Variants in MRPS7 observed in about 807,000 individuals in gnomAD.
MRPS7 encodes mitochondrial ribosomal protein S7.
Under a neutral mutation model 26.2 loss-of-function variants are expected in MRPS7, and 13 were observed. The ratio of observed to expected loss-of-function variants is 0.50; its 90% CI spans 0.32 to 0.79. MRPS7 has a LOEUF of 0.79. MRPS7 is among the 30% of genes least tolerant of loss of function. The pLI is 0.03. For missense variants in MRPS7, 318 were observed against 312.2 expected (o/e 1.02, Z -0.14); for synonymous variants, 129 against 113.3 (o/e 1.14, Z -0.88).
Position 75,265,868 on chromosome 17 carries a change from A to G in MRPS7, c.674A>G (p.Asp225Gly). 6.2e-7 allele frequency: 1 copy of G among 1,614,120 alleles called. No homozygotes were observed. Among genetic ancestry groups the G allele is most frequent in the Non-Finnish European group, 8.5e-7 (1 of 1,180,036 alleles). Residue 225 changes from aspartate (D) to glycine (G), a missense_variant, in exon 5 of 5, where the codon GAC (aspartate) becomes GGC (glycine). By Grantham distance (94) the Asp-to-Gly change is moderately conservative. Coordinates refer to ENST00000245539, the MANE Select transcript of MRPS7 (RefSeq NM_015971.4). ...GGCCCCGTGATCAAGAGGAAGCATG[A>G]CTTGCACAAGATGGCAGAGGCCAAC... ...NQGPVIKRKH[D>G]LHKMAEANRA...
In MRPS7 at chr17:75,265,966, T is replaced by C. The variant is rs1408159494; in HGVS notation, c.*43T>C. 9 of 1,571,570 alleles carry C rather than the reference T, an allele frequency of 5.7e-6. No individual in the cohort carries two copies. Among genetic ancestry groups the C allele is most frequent in the African/African-American group, 1.4e-5 (1 of 73,910 alleles). ...CAGGGCCCTCTGCCGCAAGAAACAG[T>C]GTGAGCTACTGCCACGCTGAAAACT... On this transcript the variant is annotated 3_prime_UTR_variant, in exon 5 of 5. Transcript: ENST00000245539.
At position 75,263,359 on chromosome 17, in the gene MRPS7, G is replaced by A. The variant is rs761981206; in HGVS notation, c.359G>A (p.Arg120Lys). The A allele has an allele frequency of 8.7e-6, 14 of 1,614,012 alleles. No individual in the cohort carries two copies. The highest frequency in any genetic ancestry group is 4.0e-5 in the African/African-American group (3 of 74,918). Residue 120 changes from arginine (R) to lysine (K), a missense_variant, in exon 4 of 5, where the codon AGG becomes AAG. Arg to Lys is a conservative substitution (Grantham distance 26). Coordinates refer to ENST00000245539, the MANE Select transcript of MRPS7 (RefSeq NM_015971.4). ...LMIQTLEAVKRKQFEKYHAAS... is the reference protein window; with the variant it reads ...LMIQTLEAVKKKQFEKYHAAS... ...TTGCAGACTCTGGAAGCTGTGAAAA[G>A]GAAGCAGTTTGAGAAGTACCATGCC...
intron 3 of MRPS7, chr17:75,263,114 C>G: frequency 1.6e-6 from 1 of 625,248 alleles, no homozygotes; most frequent in Non-Finnish European, 2.7e-6. Context: ...ACTGCCATTC[C>G]CCACCTCACC....
intron 3 of MRPS7, 105 bp from the exon 4 acceptor site, chr17:75,263,235 G>A (rs774554436): frequency 7.2e-6 from 10 of 1,391,208 alleles, no homozygotes; most frequent in Non-Finnish European, 9.9e-6. Flanking sequence ...GAGCTGCATT[G>A]CCAGCGCAGA....
chr17:75,263,337 C>A lies in MRPS7; in HGVS notation c.340-3C>A. 1 of 1,614,034 alleles carries A rather than the reference C, an allele frequency of 6.2e-7. No homozygotes were observed. The highest frequency in any genetic ancestry group is 8.5e-7 in the Non-Finnish European group (1 of 1,179,992). Reference sequence around the variant, plus strand: ...CAGCCTCTTCCACCATATTCTTTTGCAGACTCTGGAAGCTGTGAAAAGGAA... The same window carrying A: ...CAGCCTCTTCCACCATATTCTTTTGAAGACTCTGGAAGCTGTGAAAAGGAA... On this transcript the variant is annotated splice_polypyrimidine_tract_variant and splice_region_variant and intron_variant, in intron 3 of 4. Coordinates refer to ENST00000245539, the MANE Select transcript of MRPS7 (RefSeq NM_015971.4).
chr17:75,265,032 TTTC>T (rs2077463083), intron 4 of MRPS7, among the ~76,000 whole-genome samples: 1 of 151,994 alleles, frequency 6.6e-6, no homozygotes, highest in Admixed American at 6.6e-5. Context: ...GGCCAGTGCT[TTTC>T]TTCTTTTTCT....
intron 3 of MRPS7, 71 bp downstream of exon 3, chr17:75,262,938 A>C (rs1195583260): frequency 6.9e-7 from 1 of 1,453,268 alleles, no homozygotes; most frequent in South Asian, 1.2e-5. Flanking sequence ...TGGTACTTTC[A>C]GTGTAGCTTA....
rs1407035303 is a variant in MRPS7, at chr17:75,266,311, G to A, written c.*388G>A. On this transcript the variant is annotated 3_prime_UTR_variant, in exon 5 of 5. Coordinates refer to ENST00000245539, the MANE Select transcript of MRPS7 (RefSeq NM_015971.4). The stretch of plus-strand genomic sequence containing the variant: ...GTGCAGCATTCAGTGAAACTGGCTG[G>A]AGGAAATAGGCTTGTTTCCAGAGTT... 1 of 353,432 alleles carries A rather than the reference G, an allele frequency of 2.8e-6. No homozygotes were observed. Among genetic ancestry groups the A allele is most frequent in the African/African-American group, 2.1e-5 (1 of 48,092 alleles). 21.9% of individuals were successfully genotyped at this position (353,432 alleles called of 1,614,324 possible).
In MRPS7 at chr17:75,261,957, GC is replaced by G. The variant is rs1256665632; in HGVS notation, c.58del (p.Arg20GlyfsTer10). The G allele has an allele frequency of 6.2e-7, 1 of 1,607,674 alleles. No homozygotes were observed. Among genetic ancestry groups the G allele is most frequent in the Admixed American group, 1.7e-5 (1 of 60,002 alleles). On this transcript the variant is annotated frameshift_variant, in exon 1 of 5. Coordinates refer to ENST00000245539, the MANE Select transcript of MRPS7 (RefSeq NM_015971.4). LOFTEE classifies it high-confidence loss of function. Reference protein sequence around the residue: ...RGWSGLALGVRRAVLQLPGLT... With the variant: ...RGWSGLALGVXRAVLQLPGLT... ...GATGGTCGGGCCTGGCGTTGGGCGT[GC>G]GGCGGGCTGTCTTGCAGCTTCCAGG... is the stretch of plus-strand genomic sequence containing the variant.
Position 75,262,574 on chromosome 17 carries a change from C to T in MRPS7, c.161C>T (p.Pro54Leu). Residue 54 changes from proline to leucine, a missense_variant, in exon 2 of 5, where the codon CCA (proline) becomes CTA (leucine). By Grantham distance (98) the Pro-to-Leu change is moderately conservative. Coordinates refer to ENST00000245539, the MANE Select transcript of MRPS7 (RefSeq NM_015971.4). ...PLIDKEYYRK[P>L]VEELTEEEKY... is the part of the protein sequence containing the mutation. ...ATTGACAAGGAATATTATCGCAAGCCAGTGGAGGAGCTAACTGAGGAGGAG... is the reference window on the plus strand; with the variant it reads ...ATTGACAAGGAATATTATCGCAAGCTAGTGGAGGAGCTAACTGAGGAGGAG... The T allele has an allele frequency of 6.2e-7, 1 of 1,614,160 alleles. No individual in the cohort carries two copies. Among genetic ancestry groups the T allele is most frequent in the Non-Finnish European group, 8.5e-7 (1 of 1,180,046 alleles).
chr17:75,266,187 C>T lies in MRPS7; in HGVS notation c.*264C>T. ...GGAAACTCAGGGCTGTTTTCTCTTCCCTTAGGTTGGGGCGGACCTTTGGAT... is the reference window on the plus strand; with the variant it reads ...GGAAACTCAGGGCTGTTTTCTCTTCTCTTAGGTTGGGGCGGACCTTTGGAT... On this transcript the variant is annotated 3_prime_UTR_variant, in exon 5 of 5. Transcript: ENST00000245539. 1.9e-6 allele frequency: 1 copy of T among 529,756 alleles called. No individual in the cohort carries two copies. Among genetic ancestry groups the T allele is most frequent in the Admixed American group, 3.2e-5 (1 of 30,906 alleles). 32.8% of individuals were successfully genotyped at this position (529,756 alleles called of 1,614,324 possible). A position where few individuals can be genotyped will look rare whatever the true frequency, so the allele number is the denominator to read the frequency against.
In MRPS7 at chr17:75,265,887, G is replaced by A; in HGVS notation, c.693G>A (p.Glu231=). 2.5e-6 allele frequency: 4 copies of A among 1,613,970 alleles called. No individual in the cohort carries two copies. Among genetic ancestry groups the A allele is most frequent in the Non-Finnish European group, 3.4e-6 (4 of 1,180,010 alleles). The stretch of plus-strand genomic sequence containing the variant: ...AGCATGACTTGCACAAGATGGCAGA[G>A]GCCAACCGTGCCCTGGCCCACTACC... ...KRKHDLHKMA[E]ANRALAHYRW... is the part of the protein sequence containing the mutation. The change falls in exon 5 of 5, where the codon GAG becomes GAA. Residue 231 remains glutamate, a synonymous_variant. Coordinates refer to ENST00000245539, the MANE Select transcript of MRPS7 (RefSeq NM_015971.4).
chr17:75,262,545 C>A lies in MRPS7; in HGVS notation c.132C>A (p.Pro44=). The A allele has an allele frequency of 6.2e-7, 1 of 1,614,146 alleles. No individual in the cohort carries two copies. Among genetic ancestry groups the A allele is most frequent in the Non-Finnish European group, 8.5e-7 (1 of 1,180,020 alleles). Residue 44 remains proline (P), a synonymous_variant, in exon 2 of 5, where the codon CCC becomes CCA. Transcript: ENST00000245539. ...WSRYSPEFKD[P]LIDKEYYRKP... ...GCTATAGTCCTGAATTCAAGGATCC[C>A]TTGATTGACAAGGAATATTATCGCA...
chr17:75,263,063 A>G, intron 3 of MRPS7, 196 bp downstream of exon 3: 1 of 644,252 alleles, frequency 1.6e-6, no homozygotes, highest in Non-Finnish European at 2.6e-6. Flanking sequence ...TCGGAAGTAA[A>G]CACACAATTA....
Position 75,262,623 on chromosome 17 carries a change from G to C in MRPS7, c.210G>C (p.Lys70Asn). ...AGAAATATGTTCGGGAGCTCAAGAA[G>C]ACTCAGCTCATCAAAGCTGCTCCAG... ...EEEKYVRELK[K>N]TQLIKAAPAG... Residue 70 changes from lysine (K) to asparagine (N), a missense_variant, in exon 2 of 5, where the codon AAG becomes AAC. By Grantham distance (94) the Lys-to-Asn change is moderately conservative. Coordinates refer to ENST00000245539, the MANE Select transcript of MRPS7 (RefSeq NM_015971.4). 1.2e-6 allele frequency: 2 copies of C among 1,614,128 alleles called. No individual in the cohort carries two copies. The highest frequency in any genetic ancestry group is 2.2e-5 in the South Asian group (2 of 91,080).
intron 1 of MRPS7, chr17:75,262,279 T>TA (rs2077415419): frequency 1.5e-6 from 1 of 654,468 alleles, no homozygotes; most frequent in African/African-American, 1.8e-5. Flanking sequence ...AGCCCATCCT[T>TA]ACCGTTAGCA....
chr17:75,264,676 T>C (rs1260523322), intron 4 of MRPS7, among the ~76,000 whole-genome samples: 1 of 149,170 alleles, frequency 6.7e-6, no homozygotes, highest in Admixed American at 6.7e-5. Context: ...TTTTTAACTT[T>C]TTTTTTTTTT....
intron 4 of MRPS7, 117 bp from the exon 5 acceptor site, chr17:75,265,585 C>A: frequency 1.1e-6 from 1 of 874,300 alleles, no homozygotes; most frequent in Non-Finnish European, 1.8e-6. Flanking sequence ...TCTCCCCAGG[C>A]CTGACCAGGG....
chr17:75,262,944 G>C, intron 3 of MRPS7, 77 bp downstream of exon 3: 1 of 1,391,254 alleles, frequency 7.2e-7, no homozygotes. Context: ...TTTCAGTGTA[G>C]CTTAAGAGCA....
Sources: allele counts gnomAD v4.1 joint callset (sites outside exome capture counted in the v4.1 genomes callset), GRCh38; gene constraint gnomAD v4.1.1; transcripts MANE v1.5; gene names NCBI Gene and HGNC (gene_info 2026-07-23, HGNC 2026-07-21).